The following RPTOR variants were observed in gnomAD, a reference collection of about 807,000 sequenced individuals.
RPTOR encodes the protein regulatory-associated protein of mTOR.
RPTOR carries 21 observed loss-of-function variants against 169.9 expected under a neutral mutation model. The observed-to-expected ratio is 0.12, with a 90% CI of 0.09 to 0.18. The LOEUF (loss-of-function observed/expected upper bound fraction) is 0.18, where lower values mean the gene tolerates loss of function less well. RPTOR is among the 10% of genes least tolerant of loss of function. The pLI is 1.00. For synonymous variants in RPTOR, 732 were observed against 753.2 expected (o/e 0.97, Z 0.46); for missense variants, 1,133 against 1,855.9 (o/e 0.61, Z 7.16).
At chr17:80,778,993 A>G (rs1276762672) in intron 6 of RPTOR, among the ~76,000 whole-genome samples, 3 of 152,228 alleles carry the variant, frequency 2.0e-5, no homozygotes, top group African/African-American at 2.4e-5. Context: ...TGTTTGGACC[A>G]TATCTTTGTG....
chr17:80,800,395 C>G (rs1472914491), intron 7 of RPTOR, among the ~76,000 whole-genome samples: 1 of 152,214 alleles, frequency 6.6e-6, no homozygotes, highest in Non-Finnish European at 1.5e-5. Flanking sequence ...CCCTTCCGAG[C>G]TTTCGCCGTC....
intron 1 of RPTOR, among the ~76,000 whole-genome samples, chr17:80,578,774 G>A (rs1227737487): frequency 6.6e-6 from 1 of 152,174 alleles, no homozygotes; most frequent in African/African-American, 2.4e-5. Flanking sequence ...AGTGAGCTGG[G>A]GCTTGGGCCA....
At chr17:80,805,561 T>C (rs1305955879) in intron 7 of RPTOR, 1 of 152,198 alleles carries the variant, frequency 6.6e-6, no homozygotes, top group African/African-American at 2.4e-5. Flanking sequence ...GAAAGGTCTG[T>C]CTGAAGGTCG....
chr17:80,948,138 G>C (rs1008103751), intron 27 of RPTOR, among the ~76,000 whole-genome samples: 28 of 152,218 alleles, frequency 1.8e-4, no homozygotes, highest in African/African-American at 5.8e-4. Context: ...GCACGGCTGA[G>C]AGAAGTGAAG....
rs899402318 is a variant in RPTOR at position 80,963,383 on chromosome 17, C to T, written c.3939+326C>T. The stretch of plus-strand genomic sequence containing the variant: ...GTCGCTCGGGGTGTCCATCCCTGTG[C>T]GGCCCTCACCCCGTCCCCTGTGCGG... On this transcript the variant is annotated intron_variant, in intron 33 of 33. Coordinates refer to ENST00000306801, the MANE Select transcript of RPTOR (RefSeq NM_020761.3). 3.3e-5 allele frequency among the ~76,000 whole-genome samples: 5 copies of T among 150,358 alleles called. No individual in the cohort carries two copies. In the East Asian group the frequency reaches 5.9e-4, roughly 18 times the overall value.
intron 1 of RPTOR, chr17:80,593,562 A>G (rs2065123138): frequency 6.5e-6 from 1 of 154,488 alleles, no homozygotes; most frequent in Non-Finnish European, 1.5e-5. Flanking sequence ...ACTGACAATT[A>G]TTTCAAAAGA....
intron 13 of RPTOR, among the ~76,000 whole-genome samples, chr17:80,875,045 C>A (rs1316780632): frequency 6.6e-6 from 1 of 152,242 alleles, no homozygotes; most frequent in Non-Finnish European, 1.5e-5. Flanking sequence ...GCTCATCATC[C>A]TGCCTCCTTA....
chr17:80,691,442 T>C (rs2065990454), intron 3 of RPTOR, among the ~76,000 whole-genome samples: 1 of 151,354 alleles, frequency 6.6e-6, no homozygotes, highest in Non-Finnish European at 1.5e-5. Context: ...TGGATGTGAG[T>C]GATGTGTGTG....
chr17:80,808,904 G>C (rs549079013), intron 7 of RPTOR, among the ~76,000 whole-genome samples: 56 of 152,258 alleles, frequency 3.7e-4, no homozygotes, highest in African/African-American at 1.3e-3. Flanking sequence ...GTCACAGTTT[G>C]TTTCACCTGT....
Position 80,646,151 on chromosome 17 carries a change from C to G in RPTOR, c.348+2341C>G, listed in dbSNP as rs1177734763. Among the ~76,000 whole-genome samples, 4 of 152,142 alleles carry G rather than the reference C, an allele frequency of 2.6e-5. No homozygotes were observed. The highest frequency in any genetic ancestry group is 5.9e-5 in the Non-Finnish European group (4 of 68,030). On this transcript the variant is annotated intron_variant, in intron 3 of 33. Transcript: ENST00000306801. This position sits in a 1 kb window ranked among gnomAD's most constrained non-coding sequence, Gnocchi z 5.0. ...TTGCACACAGAGTGGGATCTTTTGT[C>G]CCCATTCAGGAAGCAAAACCACAAC...
intron 1 of RPTOR, among the ~76,000 whole-genome samples, chr17:80,581,491 G>A (rs906063318): frequency 3.3e-5 from 5 of 149,256 alleles, no homozygotes; most frequent in East Asian, 2.0e-4. Context: ...AGTGGAGACC[G>A]CACATCAGGC....
At chr17:80,680,645 G>T (rs757542780) in intron 3 of RPTOR, among the ~76,000 whole-genome samples, 5 of 151,854 alleles carry the variant, frequency 3.3e-5, no homozygotes, top group Non-Finnish European at 5.9e-5. Context: ...CAAACAAACA[G>T]ACAAAAACTC....
At chr17:80,722,188 T>C (rs1254712901) in intron 4 of RPTOR, among the ~76,000 whole-genome samples, 2 of 151,128 alleles carry the variant, frequency 1.3e-5, no homozygotes, top group Non-Finnish European at 2.9e-5. Context: ...GCCGTCATCA[T>C]CATCATCATC....
chr17:80,889,590 G>C (rs2068291030), intron 17 of RPTOR, among the ~76,000 whole-genome samples: 1 of 152,176 alleles, frequency 6.6e-6, no homozygotes, highest in South Asian at 2.1e-4. Context: ...AGAGAGGGGA[G>C]CTCCCACACC....
rs1334029662 is a variant in RPTOR, at chr17:80,562,854, A to C, written c.162+17063A>C. 6.6e-6 allele frequency among the ~76,000 whole-genome samples: 1 copy of C among 152,252 alleles called. No individual in the cohort carries two copies. The highest frequency in any genetic ancestry group is 2.4e-5 in the African/African-American group (1 of 41,462). ...ATATATCAAAACAAAAGTACTGTGA[A>C]AAAGTTAAATCAGATTTTTCCTGCA... On this transcript the variant is annotated intron_variant, in intron 1 of 33. Transcript: ENST00000306801. This position sits in a 1 kb window ranked among gnomAD's most constrained non-coding sequence, Gnocchi z 4.4.
intron 20 of RPTOR, among the ~76,000 whole-genome samples, chr17:80,903,749 C>G (rs1214815152): frequency 6.6e-6 from 1 of 152,152 alleles, no homozygotes; most frequent in Non-Finnish European, 1.5e-5. Context: ...GTAGTGAGTT[C>G]CGGCCAGGCC....
At chr17:80,739,371 C>T (rs139779498) in intron 5 of RPTOR, among the ~76,000 whole-genome samples, 2 of 152,292 alleles carry the variant, frequency 1.3e-5, no homozygotes, top group African/African-American at 4.8e-5. Flanking sequence ...ACGATAAGTC[C>T]GTCTGCGCAG....
Position 80,927,754 on chromosome 17 carries a change from CTATT to C in RPTOR, c.2919+2276_2919+2279del, listed in dbSNP as rs1266646118. Among the ~76,000 whole-genome samples, 51 of 112,178 alleles carry C rather than the reference CTATT, an allele frequency of 4.5e-4. 1 individual carries two copies. The East Asian group carries it at 0.012, about 26-fold the overall frequency. The allele number at this position is 112,178 out of a possible 152,430, so 73.6% of individuals were successfully genotyped here. A position where few individuals can be genotyped will look rare whatever the true frequency, so the allele number is the denominator to read the frequency against. ...TTTCTGTGTGTCTGTGTGTGTGTGT[CTATT>C]TGTTCCGGTGTGTGCAAGCCCCAAG... is the stretch of plus-strand genomic sequence containing the variant. On this transcript the variant is annotated intron_variant, in intron 24 of 33. Transcript: ENST00000306801.
rs780572550 is a variant in RPTOR at position 80,790,441 on chromosome 17, T to C, written c.831-1009T>C. Reference sequence around the variant, plus strand: ...GCAGGGCTGCAAAAGTGAGACTGTCTTCACACCTCTGGCTCGTTGTCTTCC... The same window carrying C: ...GCAGGGCTGCAAAAGTGAGACTGTCCTCACACCTCTGGCTCGTTGTCTTCC... On this transcript the variant is annotated intron_variant, in intron 6 of 33. Transcript: ENST00000306801. 8.3e-4 allele frequency among the ~76,000 whole-genome samples: 126 copies of C among 152,176 alleles called. 1 individual carries two copies. Among genetic ancestry groups the C allele is most frequent in the Admixed American group, 3.9e-4 (6 of 15,286 alleles).
Sources: allele counts gnomAD v4.1 joint callset (sites outside exome capture counted in the v4.1 genomes callset), GRCh38; gene constraint gnomAD v4.1.1; non-coding constraint Gnocchi (gnomAD v3.1); transcripts MANE v1.5; gene names NCBI Gene and HGNC (gene_info 2026-07-23, HGNC 2026-07-21).